Variants in WDR74 observed in about 807,000 individuals in gnomAD.
The protein encoded by WDR74 is WD repeat domain 74.
WDR74 carries 31 observed loss-of-function variants against 45.6 expected under a neutral mutation model. The observed-to-expected ratio is 0.68, with a 90% CI of 0.51 to 0.92. WDR74 has a LOEUF of 0.92. Ranked by LOEUF, WDR74 falls within the 40% of genes least tolerant of loss-of-function variation. The pLI, the probability that WDR74 is intolerant of heterozygous loss-of-function variation, is 0.00. For missense variants in WDR74, 455 were observed against 497.2 expected, an observed-to-expected ratio of 0.92 and a Z score of 0.81; for synonymous variants, 191 against 192.4, an observed-to-expected ratio of 0.99 and a Z score of 0.06.
rs1274505944 is a variant in WDR74 at position 62,839,397 on chromosome 11, G to C, written c.96C>G (p.Asn32Lys). 6.2e-7 allele frequency: 1 copy of C among 1,612,990 alleles called. No individual in the cohort carries two copies. Among genetic ancestry groups the C allele is most frequent in the Non-Finnish European group, 8.5e-7 (1 of 1,179,858 alleles). ...GVNLQRKQAANFTAGGQPRRE... is the reference protein window; with the variant it reads ...GVNLQRKQAAKFTAGGQPRRE... The stretch of plus-strand genomic sequence containing the variant: ...GCCGCGGCTGTCCTCCGGCCGTGAA[G>C]TTCGCCGCCTGTTTTCGCTGAAGAT... The change falls in exon 2 of 11, where the codon AAC becomes AAG. Residue 32 changes from asparagine (N) to lysine (K), a missense_variant. Physicochemically the swap from Asn to Lys is moderately conservative, Grantham distance 94. Transcript: ENST00000278856.
rs576823117 is a variant in WDR74 at position 62,832,945 on chromosome 11, A to T, written c.*7T>A. ...AGCAGTTTATTTACAAAGTGGGCAC[A>T]GGGGCGTCAGGGGCTGGTGGACCCA... On this transcript the variant is annotated 3_prime_UTR_variant, in exon 11 of 11. Transcript: ENST00000278856. The T allele has an allele frequency of 3.1e-6, 5 of 1,596,154 alleles. No individual in the cohort carries two copies. The South Asian group carries it at 5.6e-5, about 18-fold the overall frequency.
chr11:62,833,035 T>TC lies in WDR74; in HGVS notation c.1074dup (p.Lys359GlufsTer37). 1 of 1,610,824 alleles carries TC rather than the reference T, an allele frequency of 6.2e-7. No homozygotes were observed. The highest frequency in any genetic ancestry group is 8.5e-7 in the Non-Finnish European group (1 of 1,178,662). ...TGGGGCTGCTCCAAACCCGAGAGCT[T>TC]CCGCTTGGCAGCTGCCTCCAAGGAT... On this transcript the variant is annotated frameshift_variant, in exon 11 of 11. Coordinates refer to ENST00000278856, the MANE Select transcript of WDR74 (RefSeq NM_001369450.1). LOFTEE classifies it low-confidence loss of function (END_TRUNC).
chr11:62,838,272 C>T (rs1472068296), intron 3 of WDR74, among the ~76,000 whole-genome samples: 1 of 152,012 alleles, frequency 6.6e-6, no homozygotes, highest in Non-Finnish European at 1.5e-5. Flanking sequence ...CCAGCCTCGG[C>T]CTCCCAAGTA....
rs1162216436 is a variant in WDR74 at position 62,835,507 on chromosome 11, C to T, written c.542G>A (p.Arg181Gln). ...TATGTCCTGGTCCCAGATGGGAACC[C>T]GCAAGTCCAGCCAGTCATTCCGCAC... ...KNVRNDWLDLRVPIWDQDIQF... is the reference protein window; with the variant it reads ...KNVRNDWLDLQVPIWDQDIQF... Residue 181 changes from arginine (R) to glutamine (Q), a missense_variant, in exon 6 of 11, where the codon CGG (arginine) becomes CAG (glutamine). Physicochemically the swap from Arg to Gln is conservative, Grantham distance 43. Transcript: ENST00000278856. The T allele has an allele frequency of 6.2e-6, 10 of 1,613,812 alleles. No homozygotes were observed. In the Middle Eastern group the frequency reaches 4.9e-4, roughly 80 times the overall value.
At chr11:62,836,133 A>C in intron 3 of WDR74, 97 bp from the exon 4 acceptor site, 2 of 1,253,504 alleles carry the variant, frequency 1.6e-6, no homozygotes, top group Non-Finnish European at 1.1e-6. Flanking sequence ...TAATGTTTAA[A>C]GAAAAAAAAA....
intron 3 of WDR74, among the ~76,000 whole-genome samples, chr11:62,838,613 C>T (rs1439705040): frequency 6.6e-6 from 1 of 151,794 alleles, no homozygotes; most frequent in Non-Finnish European, 1.5e-5. Context: ...ACAAAAATAG[C>T]CGCGCGTGGT....
chr11:62,841,191 C>G (rs1354580388), upstream of WDR74, among the ~76,000 whole-genome samples: 1 of 152,132 alleles, frequency 6.6e-6, no homozygotes, highest in Non-Finnish European at 1.5e-5. Flanking sequence ...GTGGCGGGCG[C>G]CTGTAGTCCC....
chr11:62,841,238 A>G (rs553351409), upstream of WDR74, among the ~76,000 whole-genome samples: 3 of 152,220 alleles, frequency 2.0e-5, no homozygotes, highest in East Asian at 5.8e-4. Flanking sequence ...AATCGCATGA[A>G]CCCGGGAGGC....
At chr11:62,839,650 A>G, upstream of WDR74, 1 of 1,498,794 alleles carries the variant, frequency 6.7e-7, no homozygotes, top group South Asian at 1.3e-5. Context: ...GATGCAGCGC[A>G]GTGTAGTTGC....
chr11:62,837,572 A>C (rs1258247129), intron 3 of WDR74, among the ~76,000 whole-genome samples: 4 of 151,282 alleles, frequency 2.6e-5, no homozygotes, highest in African/African-American at 9.7e-5. Context: ...TATTTATCCT[A>C]TTTATGTACC....
intron 3 of WDR74, among the ~76,000 whole-genome samples, chr11:62,837,217 G>T (rs1180805788): frequency 6.6e-6 from 1 of 151,980 alleles, no homozygotes; most frequent in Non-Finnish European, 1.5e-5. Context: ...CCTTGGCCGG[G>T]TGCAGTGGTT....
chr11:62,841,617 A>G (rs1048111331), upstream of WDR74: 9 of 152,342 alleles, frequency 5.9e-5, no homozygotes, highest in South Asian at 2.1e-4. Flanking sequence ...CTCTCCCCGA[A>G]GGGAGAGTGC....
At position 62,839,590 on chromosome 11, in the gene WDR74, C is replaced by A; in HGVS notation, c.-20G>T. On this transcript the variant is annotated 5_prime_UTR_variant, in exon 1 of 11. Transcript: ENST00000278856. ...CGCCATGACAAAGCCTGGAGGCAGA[C>A]AGTTCACACTTCCGGCGCAGCGTGT... is the stretch of plus-strand genomic sequence containing the variant. 6.3e-7 allele frequency: 1 copy of A among 1,596,322 alleles called. No individual in the cohort carries two copies. The highest frequency in any genetic ancestry group is 8.5e-7 in the Non-Finnish European group (1 of 1,169,788).
At chr11:62,836,347 T>G in intron 3 of WDR74, 1 of 342,728 alleles carries the variant, frequency 2.9e-6, no homozygotes, top group Non-Finnish European at 5.6e-6. Flanking sequence ...AATTTGCCAC[T>G]CAGCTATGTT....
rs1489463539 is a variant in WDR74 at position 62,834,449 on chromosome 11, T to C, written c.697A>G (p.Met233Val). 10 of 1,502,164 alleles carry C rather than the reference T, an allele frequency of 6.7e-6. No individual in the cohort carries two copies. The highest frequency in any genetic ancestry group is 9.0e-6 in the Non-Finnish European group (10 of 1,116,374). The allele number at this position is 1,502,164 out of a possible 1,614,324, so 93.1% of individuals were successfully genotyped here. ...CACTTGCCTCCCGGAGTGAGGGTCA[T>C]GGCTGTTAGTGGGTACTCTCCATAG... ...TTYGEYPLTA[M>V]TLTPGGNSVI... Residue 233 changes from methionine (M) to valine (V), a missense_variant, in exon 7 of 11, where the codon ATG becomes GTG. Physicochemically the swap from Met to Val is conservative, Grantham distance 21. Transcript: ENST00000278856.
At chr11:62,841,381 G>T (rs75212707), upstream of WDR74, among the ~76,000 whole-genome samples, 2 of 152,068 alleles carry the variant, frequency 1.3e-5, no homozygotes, top group African/African-American at 4.8e-5. Context: ...GCGCTCAATA[G>T]TTCCAACTAC....
intron 10 of WDR74, 114 bp from the exon 11 acceptor site, chr11:62,833,245 A>C: frequency 1.1e-6 from 1 of 911,954 alleles, no homozygotes; most frequent in Non-Finnish European, 1.6e-6. Context: ...CCCAGGACTT[A>C]GCGACCAGAC....
chr11:62,833,478 T>A (rs1315320283), intron 10 of WDR74, 140 bp downstream of exon 10: 1 of 1,050,960 alleles, frequency 9.5e-7, no homozygotes, highest in East Asian at 2.6e-5. Context: ...TAACTGTTAA[T>A]GCCTCTCAGA....
chr11:62,841,607 C>G (rs471739), upstream of WDR74: 46 of 152,290 alleles, frequency 3.0e-4, no homozygotes, highest in South Asian at 1.2e-3. Context: ...AACGGTTGTT[C>G]TCTCCCCGAA....
Sources: allele counts gnomAD v4.1 joint callset (sites outside exome capture counted in the v4.1 genomes callset), GRCh38; gene constraint gnomAD v4.1.1; transcripts MANE v1.5; gene names NCBI Gene and HGNC (gene_info 2026-07-23, HGNC 2026-07-21).